The following FBN1 variants were observed in gnomAD, a reference collection of about 807,000 sequenced individuals.
FBN1 encodes fibrillin-1.
In FBN1, 29 loss-of-function variants were observed where a neutral mutation model predicts 365.1. The ratio of observed to expected loss-of-function variants is 0.08; its 90% CI spans 0.06 to 0.11. The LOEUF (loss-of-function observed/expected upper bound fraction) is 0.11, where lower values mean the gene tolerates loss of function less well. FBN1 is among the 10% of genes least tolerant of loss of function. The pLI is 1.00. For missense variants in FBN1, 2,476 were observed against 3,703.2 expected (o/e 0.67, Z 8.60); for synonymous variants, 1,210 against 1,270.5 (o/e 0.95, Z 1.01).
chr15:48,599,713 CCAAT>C (rs1384696818), intron 5 of FBN1, among the ~76,000 whole-genome samples: 2 of 152,044 alleles, frequency 1.3e-5, no homozygotes, highest in Admixed American at 6.6e-5. Flanking sequence ...GCAGATACCA[CCAAT>C]CAAGATAAAG....
intron 49 of FBN1, among the ~76,000 whole-genome samples, 176 bp from the exon 50 acceptor site, chr15:48,442,022 A>G (rs181354216): frequency 7.9e-5 from 12 of 152,328 alleles, no homozygotes; most frequent in Admixed American, 3.3e-4. Context: ...ATGACTTCAA[A>G]AGAATTAGTT....
intron 6 of FBN1, among the ~76,000 whole-genome samples, chr15:48,586,029 GA>G (rs935838991): frequency 6.6e-6 from 1 of 152,060 alleles, no homozygotes; most frequent in Non-Finnish European, 1.5e-5. Flanking sequence ...AATGCACATG[GA>G]AAAAAAGTTT....
chr15:48,594,125 G>T (rs1332580096), intron 6 of FBN1, among the ~76,000 whole-genome samples: 1 of 152,182 alleles, frequency 6.6e-6, no homozygotes, highest in Non-Finnish European at 1.5e-5. Flanking sequence ...CTTCAAAGAG[G>T]TAAGCAGGTG....
intron 35 of FBN1, among the ~76,000 whole-genome samples, chr15:48,471,990 C>T (rs2043380080): frequency 1.3e-5 from 2 of 152,146 alleles, no homozygotes; most frequent in Admixed American, 1.3e-4. Flanking sequence ...CCCAAGGGTC[C>T]CCTATTGAAC....
At chr15:48,591,576 G>A (rs1171925635) in intron 6 of FBN1, among the ~76,000 whole-genome samples, 1 of 152,150 alleles carries the variant, frequency 6.6e-6, no homozygotes, top group African/African-American at 2.4e-5. Flanking sequence ...TCAAATAGAG[G>A]AATATTCCAA....
chr15:48,446,591 T>C, intron 47 of FBN1, 115 bp downstream of exon 47: 1 of 761,358 alleles, frequency 1.3e-6, no homozygotes, highest in Non-Finnish European at 2.4e-6. Context: ...CCAATTGTTA[T>C]GCATAAGATA....
chr15:48,503,236 G>A (rs2043676719), intron 17 of FBN1, among the ~76,000 whole-genome samples: 1 of 149,948 alleles, frequency 6.7e-6, no homozygotes, highest in South Asian at 2.1e-4. Context: ...GGCGGAGGTG[G>A]CAGTGAGCTG....
chr15:48,601,672 C>T (rs1309303731), intron 4 of FBN1, among the ~76,000 whole-genome samples: 2 of 152,194 alleles, frequency 1.3e-5, no homozygotes, highest in East Asian at 3.9e-4. Flanking sequence ...TGAAAAGTGG[C>T]TACTTGACTT....
At position 48,410,709 on chromosome 15, in the gene FBN1, A is replaced by C; in HGVS notation, c.*281T>G. 2.5e-6 allele frequency: 1 copy of C among 401,148 alleles called. No individual in the cohort carries two copies. Among genetic ancestry groups the C allele is most frequent in the Non-Finnish European group, 4.5e-6 (1 of 223,490 alleles). 24.8% of individuals were successfully genotyped at this position (401,148 alleles called of 1,614,324 possible). ...GCTGGAAGGATGGCATGTCAGCATA[A>C]ATGGCCAACCCCCAATGGAAATACA... On this transcript the variant is annotated 3_prime_UTR_variant, in exon 66 of 66. Transcript: ENST00000316623.
intron 44 of FBN1, among the ~76,000 whole-genome samples, chr15:48,453,273 A>C: frequency 7.7e-6 from 1 of 130,140 alleles, no homozygotes; most frequent in Non-Finnish European, 1.6e-5. Flanking sequence ...AAACAAACAA[A>C]CAAACAAAAA....
At chr15:48,430,847 T>C (rs1462307848) in intron 55 of FBN1, 45 bp from the exon 56 acceptor site, 7 of 1,596,816 alleles carry the variant, frequency 4.4e-6, no homozygotes, top group African/African-American at 1.3e-5. Flanking sequence ...AAAATGCATA[T>C]ATCTGCCTTA....
At position 48,644,653 on chromosome 15, in the gene FBN1, G is replaced by A. The variant is rs767488793; in HGVS notation, c.117C>T (p.Ala39=). Residue 39 remains alanine (A), a synonymous_variant, in exon 2 of 66, where the codon GCC becomes GCT. Transcript: ENST00000316623. ...LEAGNVKETR[A]SRAKRRGGGG... ...CACCGCCTCTTCTCTTGGCCCGACT[G>A]GCTCTGGTTTCCTTCACGTTCCCAG... is the stretch of plus-strand genomic sequence containing the variant. The A allele has an allele frequency of 6.2e-7, 1 of 1,613,556 alleles. No individual in the cohort carries two copies. Among genetic ancestry groups the A allele is most frequent in the Non-Finnish European group, 8.5e-7 (1 of 1,179,982 alleles).
At position 48,515,406 on chromosome 15, in the gene FBN1, G is replaced by A. The variant is rs1436745636; in HGVS notation, c.1449C>T (p.Asp483=). 1.9e-6 allele frequency: 3 copies of A among 1,613,974 alleles called. No homozygotes were observed. Among genetic ancestry groups the A allele is most frequent in the Non-Finnish European group, 2.5e-6 (3 of 1,179,904 alleles). ...RCECNKGFQL[D]LRGECIDVDE... is the part of the protein sequence containing the mutation. ...ACGTACCAATACACTCCCCACGGAG[G>A]TCCAGCTGGAACCCTTTGTTGCACT... Residue 483 remains aspartate, a synonymous_variant, in exon 12 of 66, where the codon GAC becomes GAT. Transcript: ENST00000316623.
Position 48,410,090 on chromosome 15 carries a change from G to C in FBN1, c.*900C>G, listed in dbSNP as rs1224429727. ...CCAAGGGGTAAACTAAAAAAAAGAA[G>C]AGATTGTTTTATTGTGACATTTATG... On this transcript the variant is annotated 3_prime_UTR_variant, in exon 66 of 66. Coordinates refer to ENST00000316623, the MANE Select transcript of FBN1 (RefSeq NM_000138.5). 6.6e-6 allele frequency: 1 copy of C among 152,580 alleles called. No homozygotes were observed. The highest frequency in any genetic ancestry group is 6.5e-5 in the Admixed American group (1 of 15,272). 9.5% of individuals were successfully genotyped at this position (152,580 alleles called of 1,614,324 possible). A position where few individuals can be genotyped will look rare whatever the true frequency, so the allele number is the denominator to read the frequency against.
intron 8 of FBN1, among the ~76,000 whole-genome samples, chr15:48,533,641 A>G (rs530405594): frequency 4.9e-4 from 74 of 152,308 alleles, no homozygotes; most frequent in Non-Finnish European, 1.0e-3. Flanking sequence ...GAGCATAAAT[A>G]TAAGGGTTAA....
chr15:48,520,306 T>A (rs2043840494), intron 10 of FBN1, among the ~76,000 whole-genome samples: 1 of 152,116 alleles, frequency 6.6e-6, no homozygotes, highest in Admixed American at 6.5e-5. Context: ...ATGTGTCTCC[T>A]GAACAACTTA....
At chr15:48,425,248 C>T in intron 60 of FBN1, 121 bp downstream of exon 60, 1 of 1,359,626 alleles carries the variant, frequency 7.4e-7, no homozygotes, top group Non-Finnish European at 1.1e-6. Flanking sequence ...GCATTAACCC[C>T]AGGGAAGCAC....
At position 48,534,220 on chromosome 15, in the gene FBN1, AAGAC is replaced by A. The variant is rs748812494; in HGVS notation, c.737-19_737-16del. 3.2e-5 allele frequency: 51 copies of A among 1,603,998 alleles called. No homozygotes were observed. The highest frequency in any genetic ancestry group is 5.4e-5 in the African/African-American group (4 of 74,114). ...TTCATCCACATCTGTCAGATTACAG[AAGAC>A]AGAGAGAAAAAAAAAAAACTCATAT... On this transcript the variant is annotated splice_polypyrimidine_tract_variant and intron_variant, in intron 7 of 65. Transcript: ENST00000316623.
chr15:48,555,270 C>A (rs544806089), intron 6 of FBN1, among the ~76,000 whole-genome samples: 1 of 152,286 alleles, frequency 6.6e-6, no homozygotes, highest in Non-Finnish European at 1.5e-5. Context: ...GAGGACTGTG[C>A]ACAACCCCCT....
Sources: allele counts gnomAD v4.1 joint callset (sites outside exome capture counted in the v4.1 genomes callset), GRCh38; gene constraint gnomAD v4.1.1; transcripts MANE v1.5; gene names NCBI Gene and HGNC (gene_info 2026-07-23, HGNC 2026-07-21).